The following ZNF697 variants were observed in gnomAD, a reference collection of about 807,000 sequenced individuals.
The protein encoded by ZNF697 is zinc finger protein 697.
Under a neutral mutation model 32.4 loss-of-function variants are expected in ZNF697, and 23 were observed. That is an observed-to-expected ratio of 0.71 (90% CI 0.51 to 1.01). The LOEUF (loss-of-function observed/expected upper bound fraction) is 1.01. ZNF697 is among the 50% of genes least tolerant of loss of function. The probability of loss-of-function intolerance (pLI) is 0.00; values close to 1 mark genes in which losing one functional copy is unlikely to be tolerated. For synonymous variants in ZNF697, 418 were observed against 337.2 expected, an observed-to-expected ratio of 1.24 and a Z score of -2.62; for missense variants, 930 against 794.0, an observed-to-expected ratio of 1.17 and a Z score of -2.06.
chr1:119,642,055 C>T (rs186906445), intron 1 of ZNF697, among the ~76,000 whole-genome samples: 17 of 152,270 alleles, frequency 1.1e-4, no homozygotes, highest in African/African-American at 3.9e-4. Context: ...AATTAGCTAT[C>T]AAGGCGTGAA....
At position 119,623,959 on chromosome 1, in the gene ZNF697, C is replaced by CCGGTTCTCCCCAGCACTCT. The variant is rs781315995; in HGVS notation, c.365_383dup (p.Leu129GlufsTer34). 5.0e-6 allele frequency: 8 copies of CCGGTTCTCCCCAGCACTCT among 1,604,742 alleles called. No individual in the cohort carries two copies. The highest frequency in any genetic ancestry group is 1.1e-5 in the South Asian group (1 of 89,212). On this transcript the variant is annotated frameshift_variant, in exon 3 of 3. Coordinates refer to ENST00000421812, the MANE Select transcript of ZNF697 (RefSeq NM_001080470.2). LOFTEE classifies it high-confidence loss of function. ...CCGGCTGCTCCTCTTCCTCCTCCAG[C>CCGGTTCTCCCCAGCACTCT]CGGTTCTCCCCAGCACTCTCGTCGT... is the stretch of plus-strand genomic sequence containing the variant.
At position 119,623,674 on chromosome 1, in the gene ZNF697, C is replaced by A; in HGVS notation, c.669G>T (p.Glu223Asp). The change falls in exon 3 of 3, where the codon GAG (glutamate) becomes GAT (aspartate). Residue 223 changes from glutamate to aspartate, a missense_variant. Glu to Asp is a conservative substitution (Grantham distance 45, BLOSUM62 2). Coordinates refer to ENST00000421812, the MANE Select transcript of ZNF697 (RefSeq NM_001080470.2). ...CGCACTCGCCCGCCAGGCCGAAGGGCTCCAGGCTGGCGGCGGCAGCGGCCT... is the reference window on the plus strand; with the variant it reads ...CGCACTCGCCCGCCAGGCCGAAGGGATCCAGGCTGGCGGCGGCAGCGGCCT... ...LAEAAAAASLEPFGLAGECDA... is the reference protein window; with the variant it reads ...LAEAAAAASLDPFGLAGECDA... The A allele has an allele frequency of 7.3e-7, 1 of 1,372,336 alleles. No homozygotes were observed. Among genetic ancestry groups the A allele is most frequent in the African/African-American group, 1.5e-5 (1 of 66,936 alleles). 85.0% of individuals were successfully genotyped at this position (1,372,336 alleles called of 1,614,324 possible). A position where few individuals can be genotyped will look rare whatever the true frequency, so the allele number is the denominator to read the frequency against.
chr1:119,627,132 A>G (rs1018470587), intron 1 of ZNF697, among the ~76,000 whole-genome samples: 5 of 152,246 alleles, frequency 3.3e-5, no homozygotes, highest in Non-Finnish European at 5.9e-5. Context: ...CCAGGCAGCC[A>G]AACAGTTTCT....
Position 119,622,468 on chromosome 1 carries a change from A to G in ZNF697, c.*237T>C. 4.3e-6 allele frequency: 3 copies of G among 694,444 alleles called. No homozygotes were observed. The highest frequency in any genetic ancestry group is 6.5e-6 in the Non-Finnish European group (3 of 464,282). The allele number at this position is 694,444 out of a possible 1,614,324, so 43.0% of individuals were successfully genotyped here. Reference sequence around the variant, plus strand: ...CCTACAGCGTGTATTTAAGGAAGTCATCACCCCAAGCGCATCTCCTGAACA... The same window carrying G: ...CCTACAGCGTGTATTTAAGGAAGTCGTCACCCCAAGCGCATCTCCTGAACA... On this transcript the variant is annotated 3_prime_UTR_variant, in exon 3 of 3. Transcript: ENST00000421812.
intron 1 of ZNF697, among the ~76,000 whole-genome samples, chr1:119,646,982 G>A (rs1002317118): frequency 6.7e-6 from 1 of 149,610 alleles, no homozygotes; most frequent in East Asian, 2.0e-4. Context: ...ACAGGTTAAG[G>A]ACAAACATGC....
At chr1:119,644,778 G>A (rs932311209) in intron 1 of ZNF697, among the ~76,000 whole-genome samples, 1 of 152,226 alleles carries the variant, frequency 6.6e-6, no homozygotes, top group Non-Finnish European at 1.5e-5. Flanking sequence ...TGCCCAGTTC[G>A]AGATAAGTGA....
chr1:119,648,202 T>TGGCTGGC lies in ZNF697; in HGVS notation c.-550_-549insGCCAGCC, dbSNP rs1553230568. ...GCTGGGTGGCCCGCTGGCTGGCTGG[T>TGGCTGGC]TGGCTGGCTGGCTGGCTGGCTGGCT... is the stretch of plus-strand genomic sequence containing the variant. On this transcript the variant is annotated 5_prime_UTR_variant, in exon 1 of 3. Coordinates refer to ENST00000421812, the MANE Select transcript of ZNF697 (RefSeq NM_001080470.2). Among the ~76,000 whole-genome samples, 1 of 150,298 alleles carries TGGCTGGC rather than the reference T, an allele frequency of 6.7e-6. No individual in the cohort carries two copies. The highest frequency in any genetic ancestry group is 2.4e-5 in the African/African-American group (1 of 40,954).
At chr1:119,629,485 C>T (rs587669402) in intron 1 of ZNF697, among the ~76,000 whole-genome samples, 138 of 152,324 alleles carry the variant, frequency 9.1e-4, no homozygotes, top group Non-Finnish European at 1.8e-3. Context: ...TGTGGCCAGA[C>T]TGACCTGGGT....
intron 1 of ZNF697, among the ~76,000 whole-genome samples, chr1:119,630,369 CA>C (rs1648726562): frequency 6.6e-6 from 1 of 152,244 alleles, no homozygotes; most frequent in Non-Finnish European, 1.5e-5. Flanking sequence ...AATCCCCAAA[CA>C]TTCCACCACC....
chr1:119,631,554 C>T (rs956602277), intron 1 of ZNF697, among the ~76,000 whole-genome samples: 5 of 152,204 alleles, frequency 3.3e-5, no homozygotes, highest in Non-Finnish European at 7.3e-5. Context: ...CCAGCAGGGA[C>T]GGCCAGTTCC....
rs587760730 is a variant in ZNF697, at chr1:119,621,547, T to G, written c.*1158A>C. On this transcript the variant is annotated 3_prime_UTR_variant, in exon 3 of 3. Transcript: ENST00000421812. ...GCTCTTCTGGGTAAAGCCTTGAGAT[T>G]TCTACTGTGCCTCCACGCGCAGGCA... 4.6e-5 allele frequency: 7 copies of G among 152,794 alleles called. No individual in the cohort carries two copies. Among genetic ancestry groups the G allele is most frequent in the Non-Finnish European group, 1.0e-4 (7 of 68,040 alleles). 9.5% of individuals were successfully genotyped at this position (152,794 alleles called of 1,614,324 possible). A position where few individuals can be genotyped will look rare whatever the true frequency, so the allele number is the denominator to read the frequency against.
intron 1 of ZNF697, among the ~76,000 whole-genome samples, chr1:119,641,050 G>A (rs1057257578): frequency 6.6e-6 from 1 of 152,216 alleles, no homozygotes; most frequent in Admixed American, 6.5e-5. Context: ...TCTTAAGAAA[G>A]TTAGTAAAGA....
At chr1:119,628,076 G>C (rs1648650117) in intron 1 of ZNF697, among the ~76,000 whole-genome samples, 1 of 133,534 alleles carries the variant, frequency 7.5e-6, no homozygotes, top group African/African-American at 2.7e-5. Flanking sequence ...CGGGGGGCGG[G>C]GGGAGTTAAG....
At position 119,622,348 on chromosome 1, in the gene ZNF697, G is replaced by A. The variant is rs1648354837; in HGVS notation, c.*357C>T. 9.3e-6 allele frequency: 2 copies of A among 214,662 alleles called. No individual in the cohort carries two copies. Among genetic ancestry groups the A allele is most frequent in the South Asian group, 3.3e-4 (2 of 6,150 alleles). The allele number at this position is 214,662 out of a possible 1,614,324, so 13.3% of individuals were successfully genotyped here. On this transcript the variant is annotated 3_prime_UTR_variant, in exon 3 of 3. Transcript: ENST00000421812. ...TCCCCGCAACCTTCTACAGGCCATC[G>A]CGGCCTACCCTAGTCTATTGCCCGC... is the stretch of plus-strand genomic sequence containing the variant.
intron 1 of ZNF697, among the ~76,000 whole-genome samples, chr1:119,638,304 G>T (rs943799077): frequency 6.6e-6 from 1 of 152,220 alleles, no homozygotes; most frequent in Non-Finnish European, 1.5e-5. Flanking sequence ...CGGGCTTCCA[G>T]ATGGGACAAC....
rs760286567 is a variant in ZNF697, at chr1:119,622,994, G to A, written c.1349C>T (p.Ser450Leu). 6.3e-7 allele frequency: 1 copy of A among 1,594,568 alleles called. No homozygotes were observed. Among genetic ancestry groups the A allele is most frequent in the East Asian group, 2.3e-5 (1 of 44,062 alleles). ...CACGCGCAGGTGGTTCACCAGGTGC[G>A]AGTTACGCCCGAAGCCCTTCCCGCA... ...RECGKGFGRN[S>L]HLVNHLRVHT... The change falls in exon 3 of 3, where the codon TCG (serine) becomes TTG (leucine). Residue 450 changes from serine (S) to leucine (L), a missense_variant. Physicochemically the swap from Ser to Leu is moderately radical, Grantham distance 145. Transcript: ENST00000421812.
chr1:119,631,996 C>T (rs1433323363), intron 1 of ZNF697, among the ~76,000 whole-genome samples: 1 of 152,174 alleles, frequency 6.6e-6, no homozygotes, highest in Non-Finnish European at 1.5e-5. Flanking sequence ...GTTCAAAAGG[C>T]TGAACTCATG....
In ZNF697 at chr1:119,642,804, C is replaced by A. The variant is rs1054560428; in HGVS notation, c.-38+4887G>T. On this transcript the variant is annotated intron_variant, in intron 1 of 2. Transcript: ENST00000421812. Reference sequence around the variant, plus strand: ...CTATTCTACCTTCTATTTCTAAATACCTTCTAAACCACCTCTACTTTCTAA... The same window carrying A: ...CTATTCTACCTTCTATTTCTAAATAACTTCTAAACCACCTCTACTTTCTAA... Among the ~76,000 whole-genome samples, 6 of 152,170 alleles carry A rather than the reference C, an allele frequency of 3.9e-5. No individual in the cohort carries two copies. The South Asian group carries it at 1.0e-3, about 26-fold the overall frequency.
intron 1 of ZNF697, among the ~76,000 whole-genome samples, chr1:119,646,043 A>C (rs918314280): frequency 1.3e-5 from 2 of 152,096 alleles, no homozygotes; most frequent in Admixed American, 6.5e-5. Flanking sequence ...AGGAAATGTG[A>C]TGCAACTCCA....
Sources: gnomAD v4.1 joint callset for allele counts (sites outside exome capture counted in the v4.1 genomes callset) on GRCh38, gnomAD v4.1.1 for gene constraint, MANE v1.5 for transcripts, NCBI Gene and HGNC (gene_info 2026-07-23, HGNC 2026-07-21) for gene names.